The following POFUT2 variants were observed in gnomAD, a reference collection of about 807,000 sequenced individuals.
The protein encoded by POFUT2 is protein O-fucosyltransferase 2, also known as GDP-fucose protein O-fucosyltransferase 2.
A neutral mutation model predicts 55.0 loss-of-function variants in POFUT2; 30 were observed. The ratio of observed to expected loss-of-function variants is 0.55; its 90% confidence interval spans 0.41 to 0.74. The LOEUF (loss-of-function observed/expected upper bound fraction) is 0.74, where lower values mean the gene tolerates loss of function less well. POFUT2 is among the 30% of genes least tolerant of loss of function. The pLI is 0.00. For synonymous variants in POFUT2, 267 were observed against 231.1 expected, an observed-to-expected ratio of 1.16 and a Z score of -1.41; for missense variants, 524 against 562.6, an observed-to-expected ratio of 0.93 and a Z score of 0.69.
intron 1 of POFUT2, among the ~76,000 whole-genome samples, chr21:45,287,112 C>T (rs2031503030): frequency 2.0e-5 from 3 of 151,552 alleles, no homozygotes; most frequent in African/African-American, 7.3e-5. Context: ...CGCAGTGACG[C>T]AGCCTCGACT....
intron 6 of POFUT2, among the ~76,000 whole-genome samples, chr21:45,274,442 G>C (rs953218565): frequency 2.0e-5 from 3 of 152,094 alleles, no homozygotes; most frequent in Non-Finnish European, 1.5e-5. Flanking sequence ...ATTCTTCACA[G>C]AACTAGAAAA....
At chr21:45,280,184 C>T (rs1302450759) in intron 4 of POFUT2, among the ~76,000 whole-genome samples, 1 of 152,262 alleles carries the variant, frequency 6.6e-6, no homozygotes, top group Non-Finnish European at 1.5e-5. Flanking sequence ...CACACACTTG[C>T]TCTGCCCCGT....
Position 45,265,403 on chromosome 21 carries a change from T to C in POFUT2, c.*79A>G, listed in dbSNP as rs1187617901. ...TGTCCGCCCAGCTCCCGGCTGGCAG[T>C]AGACGGTGACTCCACGGCGACAGAA... On this transcript the variant is annotated 3_prime_UTR_variant, in exon 9 of 9. Transcript: ENST00000349485. The surrounding 1 kb of genome is among the most constrained non-coding windows in gnomAD (Gnocchi z 4.6). The C allele has an allele frequency of 7.5e-7, 1 of 1,340,904 alleles. No homozygotes were observed. Among genetic ancestry groups the C allele is most frequent in the Non-Finnish European group, 1.0e-6 (1 of 968,494 alleles). 83.1% of individuals were successfully genotyped at this position (1,340,904 alleles called of 1,614,324 possible).
At position 45,284,053 on chromosome 21, in the gene POFUT2, G is replaced by C. The variant is rs1309786433; in HGVS notation, c.383-526C>G. On this transcript the variant is annotated intron_variant, in intron 2 of 8. Transcript: ENST00000349485. This position sits in a 1 kb window ranked among gnomAD's most constrained non-coding sequence, Gnocchi z 5.8. ...ACGGCCCGACCCGCACCAAGAAGGTGGCACTGTGACGCCCAAGAGGTCAGC... is the reference window on the plus strand; with the variant it reads ...ACGGCCCGACCCGCACCAAGAAGGTCGCACTGTGACGCCCAAGAGGTCAGC... Among the ~76,000 whole-genome samples the C allele has an allele frequency of 6.6e-6, 1 of 152,216 alleles. No individual in the cohort carries two copies. The highest frequency in any genetic ancestry group is 6.5e-5 in the Admixed American group (1 of 15,290).
At position 45,265,994 on chromosome 21, in the gene POFUT2, T is replaced by C. The variant is rs2256000; in HGVS notation, c.1137-359A>G. 0.36 allele frequency: 435,307 copies of C among 1,212,400 alleles called. 80,288 individuals carry two copies. The highest frequency in any genetic ancestry group is 0.53 in the African/African-American group (33,624 of 63,622). The allele number at this position is 1,212,400 out of a possible 1,614,324, so 75.1% of individuals were successfully genotyped here. On this transcript the variant is annotated intron_variant, in intron 8 of 8. Transcript: ENST00000349485. The surrounding 1 kb of genome is among the most constrained non-coding windows in gnomAD (Gnocchi z 4.6). ...GGTCGAATACCTCCTGGGGGTCACATGGTGAACAATGAGAGATTCCTACTA... is the reference window on the plus strand; with the variant it reads ...GGTCGAATACCTCCTGGGGGTCACACGGTGAACAATGAGAGATTCCTACTA...
chr21:45,266,319 A>G, intron 8 of POFUT2: 4 of 1,361,120 alleles, frequency 2.9e-6, no homozygotes, highest in South Asian at 1.1e-5. Flanking sequence ...CAGGCCACAC[A>G]GGCCTGTATG....
intron 8 of POFUT2, chr21:45,266,719 A>C (rs911051366): frequency 6.5e-5 from 65 of 999,780 alleles, no homozygotes; most frequent in Non-Finnish European, 7.4e-5. Context: ...CATGCCCAGA[A>C]CACCACAGGA....
chr21:45,265,380 T>C lies in POFUT2; in HGVS notation c.*102A>G. ...TGGGACCCTGCGAGGGACGGTCCTG[T>C]CCGCCCAGCTCCCGGCTGGCAGTAG... is the stretch of plus-strand genomic sequence containing the variant. On this transcript the variant is annotated 3_prime_UTR_variant, in exon 9 of 9. Transcript: ENST00000349485. This position sits in a 1 kb window ranked among gnomAD's most constrained non-coding sequence, Gnocchi z 4.6. 9.1e-7 allele frequency: 1 copy of C among 1,104,276 alleles called. No homozygotes were observed. The highest frequency in any genetic ancestry group is 1.3e-6 in the Non-Finnish European group (1 of 762,270). The allele number at this position is 1,104,276 out of a possible 1,614,324, so 68.4% of individuals were successfully genotyped here.
At position 45,283,443 on chromosome 21, in the gene POFUT2, A is replaced by G; in HGVS notation, c.467T>C (p.Val156Ala). 1.2e-6 allele frequency: 2 copies of G among 1,613,464 alleles called. No individual in the cohort carries two copies. Among genetic ancestry groups the G allele is most frequent in the African/African-American group, 1.3e-5 (1 of 74,850 alleles). Reference sequence around the variant, plus strand: ...CTGATCAATACACGGCCGCTCGTCCACCTTCTCTTCCCAGGTCCCTTCTTT... The same window carrying G: ...CTGATCAATACACGGCCGCTCGTCCGCCTTCTCTTCCCAGGTCCCTTCTTT... ...GWKEGTWEEK[V>A]DERPCIDQLL... Residue 156 changes from valine (V) to alanine (A), a missense_variant, in exon 3 of 9, where the codon GTG (valine) becomes GCG (alanine). Transcript: ENST00000349485.
At position 45,270,719 on chromosome 21, in the gene POFUT2, C is replaced by T. The variant is rs2093211748; in HGVS notation, c.832-700G>A. On this transcript the variant is annotated intron_variant, in intron 6 of 8. Transcript: ENST00000349485. The surrounding 1 kb of genome is among the most constrained non-coding windows in gnomAD (Gnocchi z 4.6). ...TGGGAGACCCGAAGACGGATCACAG[C>T]ACAGGACTCTCCGCAGACATTCCCC... 6.6e-6 allele frequency among the ~76,000 whole-genome samples: 1 copy of T among 152,340 alleles called. No individual in the cohort carries two copies. Among genetic ancestry groups the T allele is most frequent in the Middle Eastern group, 3.4e-3 (1 of 294 alleles).
At chr21:45,276,567 A>G (rs998963460) in intron 6 of POFUT2, among the ~76,000 whole-genome samples, 1 of 152,268 alleles carries the variant, frequency 6.6e-6, no homozygotes, top group Admixed American at 6.5e-5. Flanking sequence ...TATACAAAGA[A>G]TAAGAAAAGG....
Position 45,277,648 on chromosome 21 carries a change from C to T in POFUT2, c.705+455G>A, listed in dbSNP as rs2029950433. The stretch of plus-strand genomic sequence containing the variant: ...TGCTGTGTCCACGGGAGGGGGCAGC[C>T]ACTTCCCGCCCTCTGCTCCCACTCA... On this transcript the variant is annotated intron_variant, in intron 5 of 8. Transcript: ENST00000349485. The surrounding 1 kb of genome is among the most constrained non-coding windows in gnomAD (Gnocchi z 6.9). The T allele has an allele frequency of 9.0e-6, 2 of 221,374 alleles. No individual in the cohort carries two copies. The highest frequency in any genetic ancestry group is 5.2e-5 in the Admixed American group (1 of 19,214). 13.7% of individuals were successfully genotyped at this position (221,374 alleles called of 1,614,324 possible). A position where few individuals can be genotyped will look rare whatever the true frequency, so the allele number is the denominator to read the frequency against.
At position 45,285,834 on chromosome 21, in the gene POFUT2, T is replaced by C. The variant is rs375161420; in HGVS notation, c.226A>G (p.Thr76Ala). 496 of 1,613,480 alleles carry C rather than the reference T, an allele frequency of 3.1e-4. 4 individuals are homozygous for C. The highest frequency in any genetic ancestry group is 3.0e-3 in the Middle Eastern group (18 of 6,062). The change falls in exon 2 of 9, where the codon ACG becomes GCG. Residue 76 changes from threonine (T) to alanine (A), a missense_variant. Thr to Ala is a moderately conservative substitution (Grantham distance 58). Coordinates refer to ENST00000349485, the MANE Select transcript of POFUT2 (RefSeq NM_133635.6). The surrounding 1 kb of genome is among the most constrained non-coding windows in gnomAD (Gnocchi z 4.9). ...GGCAGGACAAGCACCCACTCCTCCG[T>C]CTTCAGCAGAGTCTTCAGGAGAGAG... ...IASLLKTLLK[T>A]EEWVLVLPPW... is the part of the protein sequence containing the mutation.
chr21:45,279,166 C>T (rs367994564), intron 4 of POFUT2, among the ~76,000 whole-genome samples: 268 of 150,734 alleles, frequency 1.8e-3, no homozygotes, highest in African/African-American at 6.0e-3. Flanking sequence ...CCAAGGTGGG[C>T]GGATCACGAG....
chr21:45,268,502 A>G (rs2093179364), intron 7 of POFUT2, among the ~76,000 whole-genome samples: 5 of 149,486 alleles, frequency 3.3e-5, no homozygotes, highest in South Asian at 4.2e-4. Flanking sequence ...AGTGAGGAGC[A>G]TCTCCGCCCG....
At position 45,267,065 on chromosome 21, in the gene POFUT2, C is replaced by T. The variant is rs1177925223; in HGVS notation, c.1136+525G>A. Reference sequence around the variant, plus strand: ...GAGAATGATCACACGAGGGCCCACGCTCCCGGCCTCGGGGACGCTCACGGC... The same window carrying T: ...GAGAATGATCACACGAGGGCCCACGTTCCCGGCCTCGGGGACGCTCACGGC... On this transcript the variant is annotated intron_variant, in intron 8 of 8. Coordinates refer to ENST00000349485, the MANE Select transcript of POFUT2 (RefSeq NM_133635.6). The surrounding 1 kb of genome is among the most constrained non-coding windows in gnomAD (Gnocchi z 4.4). 2 of 1,110,648 alleles carry T rather than the reference C, an allele frequency of 1.8e-6. No individual in the cohort carries two copies. Among genetic ancestry groups the T allele is most frequent in the Non-Finnish European group, 2.2e-6 (2 of 905,316 alleles). The allele number at this position is 1,110,648 out of a possible 1,614,324, so 68.8% of individuals were successfully genotyped here. A position where few individuals can be genotyped will look rare whatever the true frequency, so the allele number is the denominator to read the frequency against.
rs2146610779 is a variant in POFUT2 at position 45,277,077 on chromosome 21, A to G, written c.771T>C (p.His257=). The part of the protein sequence containing the change: ...REVGDEFRSR[H]LNSTDDADRI... ...TGTCTGCGTCGTCCGTGGAGTTGAG[A>G]TGTCTGCTCCTGAACTCGTCTCCCA... Residue 257 remains histidine (H), a synonymous_variant, in exon 6 of 9, where the codon CAT becomes CAC. Coordinates refer to ENST00000349485, the MANE Select transcript of POFUT2 (RefSeq NM_133635.6). This position sits in a 1 kb window ranked among gnomAD's most constrained non-coding sequence, Gnocchi z 6.9. The G allele has an allele frequency of 6.2e-7, 1 of 1,613,974 alleles. No homozygotes were observed. Among genetic ancestry groups the G allele is most frequent in the Non-Finnish European group, 8.5e-7 (1 of 1,179,930 alleles).
chr21:45,266,533 G>C, intron 8 of POFUT2: 3 of 1,076,226 alleles, frequency 2.8e-6, no homozygotes, highest in Non-Finnish European at 3.4e-6. Flanking sequence ...GCACCGCCAA[G>C]GTCGCAGTCA....
chr21:45,282,719 C>G lies in POFUT2; in HGVS notation c.528-260G>C. ...GGATGGCCGGGGAGGCAGAGGGAGC[C>G]GGACAGAGGCAGCCCTGTGCACCTT... On this transcript the variant is annotated intron_variant, in intron 3 of 8. Coordinates refer to ENST00000349485, the MANE Select transcript of POFUT2 (RefSeq NM_133635.6). This position sits in a 1 kb window ranked among gnomAD's most constrained non-coding sequence, Gnocchi z 4.6. 1.9e-6 allele frequency: 1 copy of G among 538,394 alleles called. No homozygotes were observed. The highest frequency in any genetic ancestry group is 3.5e-6 in the Non-Finnish European group (1 of 283,176). 33.4% of individuals were successfully genotyped at this position (538,394 alleles called of 1,614,324 possible). A position where few individuals can be genotyped will look rare whatever the true frequency, so the allele number is the denominator to read the frequency against.
Sources: gnomAD v4.1 joint callset for allele counts (sites outside exome capture counted in the v4.1 genomes callset) on GRCh38, gnomAD v4.1.1 for gene constraint, Gnocchi (gnomAD v3.1) non-coding constraint, MANE v1.5 for transcripts, NCBI Gene and HGNC (gene_info 2026-07-23, HGNC 2026-07-21) for gene names.